The following SLC12A7 variants were observed in gnomAD, a reference collection of about 807,000 sequenced individuals.
SLC12A7 encodes the protein K-Cl cotransporter 4.
SLC12A7 carries 100 observed loss-of-function variants against 120.6 expected under a neutral mutation model. The ratio of observed to expected loss-of-function variants is 0.83; its 90% CI spans 0.71 to 0.98. The LOEUF (loss-of-function observed/expected upper bound fraction) is 0.98, where lower values mean the gene tolerates loss of function less well. Ranked by LOEUF, SLC12A7 falls within the 50% of genes least tolerant of loss-of-function variation. SLC12A7 has a pLI of 0.00. For missense variants in SLC12A7, 1,373 were observed against 1,548.1 expected (o/e 0.89, Z 1.90); for synonymous variants, 760 against 678.0 (o/e 1.12, Z -1.88).
intron 12 of SLC12A7, 53 bp downstream of exon 12, chr5:1,077,780 G>T: frequency 6.7e-7 from 1 of 1,486,950 alleles, no homozygotes. Context: ...CAGGGGAGGA[G>T]AGCCCCCGAC....
At chr5:1,097,824 C>A (rs956875293) in intron 1 of SLC12A7, among the ~76,000 whole-genome samples, 4 of 152,140 alleles carry the variant, frequency 2.6e-5, no homozygotes, top group African/African-American at 7.2e-5. Flanking sequence ...AACCTTCAAG[C>A]CTTTAAAGAG....
rs137990661 is a variant in SLC12A7, at chr5:1,075,409, G to A, written c.1929C>T (p.Leu643=). 1.9e-3 allele frequency: 3,030 copies of A among 1,612,426 alleles called. 4 individuals carry two copies. Among genetic ancestry groups the A allele is most frequent in the Non-Finnish European group, 2.4e-3 (2,783 of 1,179,546 alleles). The change falls in exon 15 of 24, where the codon CTC becomes CTT. Residue 643 remains leucine, a synonymous_variant. Coordinates refer to ENST00000264930, the MANE Select transcript of SLC12A7 (RefSeq NM_006598.3). ...CSWYYALSAM[L]IAGCIYKYIE... is the part of the protein sequence containing the mutation. ...TGTACTTGTAGATGCAGCCAGCGAT[G>A]AGCATGGCGGACAGCGCGTAGTACC...
At chr5:1,059,163 G>A (rs572031169) in intron 21 of SLC12A7, among the ~76,000 whole-genome samples, 42 of 152,374 alleles carry the variant, frequency 2.8e-4, no homozygotes, top group African/African-American at 9.9e-4. Flanking sequence ...CCGGCTGCCC[G>A]GACCCCCGTG....
upstream of SLC12A7, among the ~76,000 whole-genome samples, chr5:1,113,919 G>A (rs1251797393): frequency 6.6e-6 from 1 of 152,206 alleles, no homozygotes; most frequent in African/African-American, 2.4e-5. Flanking sequence ...TGGGCACGAG[G>A]CCTTCCCAAG....
rs537233788 is a variant in SLC12A7 at position 1,080,145 on chromosome 5, G to C, written c.1298-649C>G. ...GCGGAGACACCCGGAGCCACGCAGA[G>C]GCTCTGCCCCCACGCCCTCCACCCG... On this transcript the variant is annotated intron_variant, in intron 9 of 23. Transcript: ENST00000264930. Among the ~76,000 whole-genome samples, 35 of 151,524 alleles carry C rather than the reference G, an allele frequency of 2.3e-4. 1 individual carries two copies. In the East Asian group the frequency reaches 5.4e-3, roughly 23 times the overall value.
upstream of SLC12A7, among the ~76,000 whole-genome samples, chr5:1,114,540 G>A (rs371202872): frequency 7.9e-5 from 12 of 152,166 alleles, no homozygotes; most frequent in African/African-American, 2.9e-4. Context: ...GGGGTTAAAT[G>A]TGCGTTGTGT....
intron 17 of SLC12A7, among the ~76,000 whole-genome samples, chr5:1,068,710 C>T (rs186946685): frequency 3.9e-5 from 6 of 152,396 alleles, no homozygotes; most frequent in Non-Finnish European, 7.3e-5. Flanking sequence ...GCCCCAGACC[C>T]CCCAGCCGAA....
chr5:1,060,065 C>T lies in SLC12A7; in HGVS notation c.2847+279G>A, dbSNP rs117876232. The stretch of plus-strand genomic sequence containing the variant: ...TAAGTTCAAAGGTCTCGGCCCTCGT[C>T]CCTTCCTGCACATGAGCATGCATCT... On this transcript the variant is annotated intron_variant, in intron 21 of 23. Coordinates refer to ENST00000264930, the MANE Select transcript of SLC12A7 (RefSeq NM_006598.3). Among the ~76,000 whole-genome samples, 1,484 of 152,370 alleles carry T rather than the reference C, an allele frequency of 9.7e-3. 17 individuals are homozygous for T. The highest frequency in any genetic ancestry group is 0.037 in the East Asian group (190 of 5,182).
chr5:1,126,694 C>A, the SLC12A7 span, among the ~76,000 whole-genome samples: 2 of 152,148 alleles, frequency 1.3e-5, no homozygotes, highest in Non-Finnish European at 2.9e-5. Context: ...TGTGTCCATG[C>A]GTTCTCATCG....
At chr5:1,143,576 G>T in the SLC12A7 span, among the ~76,000 whole-genome samples, 1 of 152,172 alleles carries the variant, frequency 6.6e-6, no homozygotes, top group African/African-American at 2.4e-5. Context: ...TCCCGTTGGG[G>T]CTGGGCCTCA....
intron 1 of SLC12A7, among the ~76,000 whole-genome samples, chr5:1,111,484 C>A (rs1283006492): frequency 6.6e-6 from 1 of 152,118 alleles, no homozygotes; most frequent in Non-Finnish European, 1.5e-5. Flanking sequence ...GCGGGGGACG[C>A]AGGACGCCCC....
At chr5:1,052,748 CG>C in intron 23 of SLC12A7, among the ~76,000 whole-genome samples, 1 of 152,276 alleles carries the variant, frequency 6.6e-6, no homozygotes, top group South Asian at 2.1e-4. Flanking sequence ...ACCCCAGCCA[CG>C]GGACTGGGTC....
chr5:1,078,655 C>G, intron 11 of SLC12A7, 46 bp downstream of exon 11: 1 of 1,514,088 alleles, frequency 6.6e-7, no homozygotes, highest in Non-Finnish European at 9.2e-7. Flanking sequence ...CAGGAAAACC[C>G]TTGAAGACTA....
the SLC12A7 span, among the ~76,000 whole-genome samples, chr5:1,121,791 G>T: frequency 6.6e-5 from 10 of 152,278 alleles, 1 homozygote; most frequent in Admixed American, 6.5e-4. Flanking sequence ...CCGGAGCCGC[G>T]CAGTTTCTCC....
At chr5:1,118,235 C>T in the SLC12A7 span, among the ~76,000 whole-genome samples, 1 of 152,242 alleles carries the variant, frequency 6.6e-6, no homozygotes, top group Non-Finnish European at 1.5e-5. Flanking sequence ...TCCTGCACAG[C>T]CAGCTCTGCG....
intron 17 of SLC12A7, among the ~76,000 whole-genome samples, chr5:1,070,023 TCACACTTATGCAGCCCCCAGTGAGCCC>T (rs1737511857): frequency 6.5e-5 from 2 of 30,996 alleles, no homozygotes. Flanking sequence ...CACACGGGCA[TCACACTTATGCAGCCCCCAGTGAGCCC>T]CCAGTGAGCC....
intron 9 of SLC12A7, among the ~76,000 whole-genome samples, chr5:1,080,695 G>A (rs1311784466): frequency 6.6e-6 from 1 of 152,188 alleles, no homozygotes; most frequent in Middle Eastern, 3.2e-3. Context: ...CCACCCCCTG[G>A]GGAACAACCA....
At position 1,053,366 on chromosome 5, in the gene SLC12A7, C is replaced by G. The variant is rs747712429; in HGVS notation, c.3143G>C (p.Arg1048Pro). Residue 1048 changes from arginine to proline, a missense_variant, in exon 23 of 24, where the codon CGG becomes CCG. Physicochemically the swap from Arg to Pro is moderately radical, Grantham distance 103 (BLOSUM62 -2). Coordinates refer to ENST00000264930, the MANE Select transcript of SLC12A7 (RefSeq NM_006598.3). ...AAGGATACAGTTCTCGTCTCCCTGC[C>G]GGTTTTTGGGAGGACCTGGCATGTT... is the stretch of plus-strand genomic sequence containing the variant. ...LLNMPGPPKN[R>P]QGDENYMEFL... 9.3e-6 allele frequency: 15 copies of G among 1,613,802 alleles called. No individual in the cohort carries two copies. The highest frequency in any genetic ancestry group is 1.3e-5 in the Non-Finnish European group (15 of 1,179,984).
chr5:1,108,508 C>A (rs1742737595), intron 1 of SLC12A7, among the ~76,000 whole-genome samples: 1 of 152,220 alleles, frequency 6.6e-6, no homozygotes, highest in Non-Finnish European at 1.5e-5. Flanking sequence ...GCCTGCCTGT[C>A]CCTCCTGCTC....
Sources: allele counts gnomAD v4.1 joint callset (sites outside exome capture counted in the v4.1 genomes callset), GRCh38; gene constraint gnomAD v4.1.1; transcripts MANE v1.5; gene names NCBI Gene and HGNC (gene_info 2026-07-23, HGNC 2026-07-21).